The following KIF3B variants were observed in gnomAD, a reference collection of about 807,000 sequenced individuals.
KIF3B encodes kinesin family member 3B.
KIF3B carries 38 observed loss-of-function variants against 74.3 expected under a neutral mutation model. That is an observed-to-expected ratio of 0.51 (90% CI 0.39 to 0.67). KIF3B has a LOEUF of 0.67. KIF3B is among the 30% of genes least tolerant of loss of function. The pLI, the probability that KIF3B is intolerant of heterozygous loss-of-function variation, is 0.00. For synonymous variants in KIF3B, 326 were observed against 342.5 expected (o/e 0.95, Z 0.53); for missense variants, 649 against 932.0 (o/e 0.70, Z 3.95).
At chr20:32,327,732 T>C in intron 7 of KIF3B, 71 bp downstream of exon 7, 1 of 1,101,830 alleles carries the variant, frequency 9.1e-7, no homozygotes, top group South Asian at 1.3e-5. Flanking sequence ...CCTTAGATAC[T>C]ATTCCACTCA....
chr20:32,287,252 G>A (rs538818199), intron 1 of KIF3B, among the ~76,000 whole-genome samples: 1 of 151,360 alleles, frequency 6.6e-6, no homozygotes, highest in African/African-American at 2.4e-5. Flanking sequence ...CTAGGCTCAA[G>A]CGATCCTCCT....
chr20:32,329,943 A>C (rs2047922154), intron 7 of KIF3B, among the ~76,000 whole-genome samples, 198 bp from the exon 8 acceptor site: 1 of 152,222 alleles, frequency 6.6e-6, no homozygotes, highest in South Asian at 2.1e-4. Context: ...AGTTATTTAA[A>C]AGAAAGAAAG....
At chr20:32,319,123 G>T (rs113552057) in intron 5 of KIF3B, among the ~76,000 whole-genome samples, 8 of 151,858 alleles carry the variant, frequency 5.3e-5, no homozygotes, top group African/African-American at 1.9e-4. Context: ...ACCCTACTTG[G>T]CTAATTTTTG....
At chr20:32,308,013 T>A (rs2047780575) in intron 1 of KIF3B, among the ~76,000 whole-genome samples, 1 of 150,904 alleles carries the variant, frequency 6.6e-6, no homozygotes, top group Non-Finnish European at 1.5e-5. Flanking sequence ...GGTGGAGGGA[T>A]CCCTTGTGGC....
At chr20:32,306,254 G>C (rs2047770501) in intron 1 of KIF3B, among the ~76,000 whole-genome samples, 1 of 148,870 alleles carries the variant, frequency 6.7e-6, no homozygotes, top group Non-Finnish European at 1.5e-5. Context: ...AGATTAGCTG[G>C]GCATGGTGGC....
intron 1 of KIF3B, among the ~76,000 whole-genome samples, chr20:32,302,039 G>C (rs1027796824): frequency 4.2e-4 from 64 of 152,230 alleles, no homozygotes; most frequent in African/African-American, 1.5e-3. Flanking sequence ...AAGGTCTTCA[G>C]GATGAAGGCG....
chr20:32,308,630 C>T (rs1051567236), intron 1 of KIF3B, among the ~76,000 whole-genome samples: 11 of 152,078 alleles, frequency 7.2e-5, no homozygotes, highest in African/African-American at 1.4e-4. Flanking sequence ...AGGCTGGTCT[C>T]GAACTCCTGG....
rs979714857 is a variant in KIF3B, at chr20:32,298,156, G to A, written c.-65-11557G>A. On this transcript the variant is annotated intron_variant, in intron 1 of 8. Transcript: ENST00000375712. ...TTTTTGAATTAAAAAAAAAAATTCAGGCCTGGTGCAATGTCACACCAGTAA... is the reference window on the plus strand; with the variant it reads ...TTTTTGAATTAAAAAAAAAAATTCAAGCCTGGTGCAATGTCACACCAGTAA... 2.7e-5 allele frequency among the ~76,000 whole-genome samples: 4 copies of A among 149,792 alleles called. No individual in the cohort carries two copies. The East Asian group carries it at 7.9e-4, about 30-fold the overall frequency.
At position 32,299,379 on chromosome 20, in the gene KIF3B, G is replaced by GTGTGTATA. The variant is rs1187264463; in HGVS notation, c.-65-10333_-65-10332insGTGTATAT. On this transcript the variant is annotated intron_variant, in intron 1 of 8. Coordinates refer to ENST00000375712, the MANE Select transcript of KIF3B (RefSeq NM_004798.4). ...CTTGTAACTACTGAATGGTGTGTGT[G>GTGTGTATA]TATATATATATATATATATATATAT... Among the ~76,000 whole-genome samples, 136 of 23,022 alleles carry GTGTGTATA rather than the reference G, an allele frequency of 5.9e-3. 2 individuals carry two copies. Among genetic ancestry groups the GTGTGTATA allele is most frequent in the Non-Finnish European group, 8.0e-3 (115 of 14,444 alleles). 15.1% of individuals were successfully genotyped at this position (23,022 alleles called of 152,430 possible).
Position 32,316,816 on chromosome 20 carries a change from A to G in KIF3B, c.1690A>G (p.Lys564Glu). ...EIHDLQEEHIKERQELEQTQN... is the reference protein window; with the variant it reads ...EIHDLQEEHIEERQELEQTQN... ...CCATGACCTCCAAGAAGAACACATCAAGGAGCGCCAAGAGCTAGAGCAGAC... is the reference window on the plus strand; with the variant it reads ...CCATGACCTCCAAGAAGAACACATCGAGGAGCGCCAAGAGCTAGAGCAGAC... Residue 564 changes from lysine to glutamate, a missense_variant, in exon 5 of 9, where the codon AAG (lysine) becomes GAG (glutamate). Physicochemically the swap from Lys to Glu is moderately conservative, Grantham distance 56. Around this residue, in one of 4 missense-constraint regions of KIF3B, gnomAD observed 363 missense variants for 592.8 expected, o/e 0.61. Transcript: ENST00000375712. The G allele has an allele frequency of 6.2e-7, 1 of 1,614,130 alleles. No homozygotes were observed. Among genetic ancestry groups the G allele is most frequent in the Non-Finnish European group, 8.5e-7 (1 of 1,180,010 alleles).
intron 5 of KIF3B, among the ~76,000 whole-genome samples, chr20:32,321,486 G>A (rs191452472): frequency 6.6e-5 from 10 of 150,536 alleles, no homozygotes. Flanking sequence ...ATTTATTTCT[G>A]GACTTTCAAT....
chr20:32,317,253 C>A (rs996761203), intron 5 of KIF3B, among the ~76,000 whole-genome samples: 3 of 151,918 alleles, frequency 2.0e-5, no homozygotes, highest in Non-Finnish European at 4.4e-5. Context: ...AGAAATAGCC[C>A]TGAGGACAGG....
rs143952202 is a variant in KIF3B, at chr20:32,282,594, G to A, written c.-66+4829G>A. Among the ~76,000 whole-genome samples, 196 of 152,260 alleles carry A rather than the reference G, an allele frequency of 1.3e-3. 1 individual carries two copies. Among genetic ancestry groups the A allele is most frequent in the African/African-American group, 4.3e-3 (179 of 41,552 alleles). ...CTACAGTCTGGCTTTTTGCCAGCCT[G>A]TGGAGCGGCAGGTGTGGGCTTTGCC... On this transcript the variant is annotated intron_variant, in intron 1 of 8. Coordinates refer to ENST00000375712, the MANE Select transcript of KIF3B (RefSeq NM_004798.4).
chr20:32,294,803 C>G (rs2047709168), intron 1 of KIF3B, among the ~76,000 whole-genome samples: 1 of 152,206 alleles, frequency 6.6e-6, no homozygotes, highest in Non-Finnish European at 1.5e-5. Context: ...CCCAAATCTG[C>G]ATCTGCACAT....
intron 1 of KIF3B, among the ~76,000 whole-genome samples, chr20:32,295,004 T>C (rs995684430): frequency 3.3e-5 from 5 of 152,210 alleles, no homozygotes; most frequent in African/African-American, 7.2e-5. Flanking sequence ...GATGAGCATT[T>C]AAGTGCTTAG....
Position 32,310,059 on chromosome 20 carries a change from C to T in KIF3B, c.282C>T (p.Ala94=), listed in dbSNP as rs371201398. ...VLQGFNGTIF[A]YGQTGTGKTY... ...AAGGTTTCAATGGAACCATTTTTGC[C>T]TATGGACAAACTGGGACAGGAAAAA... Residue 94 remains alanine (A), a synonymous_variant, in exon 2 of 9, where the codon GCC becomes GCT. Coordinates refer to ENST00000375712, the MANE Select transcript of KIF3B (RefSeq NM_004798.4). The surrounding 1 kb of genome is among the most constrained non-coding windows in gnomAD (Gnocchi z 6.5). The T allele has an allele frequency of 9.7e-5, 156 of 1,613,992 alleles. 1 individual carries two copies. The highest frequency in any genetic ancestry group is 1.3e-4 in the Non-Finnish European group (152 of 1,180,028).
At position 32,310,407 on chromosome 20, in the gene KIF3B, G is replaced by A; in HGVS notation, c.630G>A (p.Glu210=). 6.2e-7 allele frequency: 1 copy of A among 1,614,216 alleles called. No homozygotes were observed. Among genetic ancestry groups the A allele is most frequent in the Non-Finnish European group, 8.5e-7 (1 of 1,180,052 alleles). ...CTGTCGGTGCTACCAACATGAACGA[G>A]CACAGCTCGCGTTCTCATGCAATTT... ...NRSVGATNMN[E]HSSRSHAIFV... Residue 210 remains glutamate (E), a synonymous_variant, in exon 2 of 9, where the codon GAG becomes GAA. Transcript: ENST00000375712. This position sits in a 1 kb window ranked among gnomAD's most constrained non-coding sequence, Gnocchi z 6.5.
At position 32,331,241 on chromosome 20, in the gene KIF3B, G is replaced by A. The variant is rs147874307; in HGVS notation, c.2166G>A (p.Lys722=). The A allele has an allele frequency of 1.7e-5, 27 of 1,613,486 alleles. No homozygotes were observed. In the African/African-American group the frequency reaches 3.6e-4, roughly 22 times the overall value. Residue 722 remains lysine, a synonymous_variant, in exon 9 of 9, where the codon AAG becomes AAA. Coordinates refer to ENST00000375712, the MANE Select transcript of KIF3B (RefSeq NM_004798.4). ...KSKARPKSGR[K]SGSSSSSSGT... ...TTTGCAGGCCTAAAAGTGGAAGGAA[G>A]TCGGGATCCTCCTCCTCTTCCTCAG...
At chr20:32,287,513 G>A (rs1209295751) in intron 1 of KIF3B, among the ~76,000 whole-genome samples, 1 of 151,782 alleles carries the variant, frequency 6.6e-6, no homozygotes, top group Non-Finnish European at 1.5e-5. Flanking sequence ...ATGGAGGCAG[G>A]ATCTCACTAT....
Sources: gnomAD v4.1 joint callset for allele counts (sites outside exome capture counted in the v4.1 genomes callset) on GRCh38, gnomAD v4.1.1 for gene constraint, gnomAD v4.1.1 regional missense constraint, Gnocchi (gnomAD v3.1) non-coding constraint, MANE v1.5 for transcripts, NCBI Gene and HGNC (gene_info 2026-07-23, HGNC 2026-07-21) for gene names.